The following VPS13D variants were observed in gnomAD, a reference collection of about 807,000 sequenced individuals.
VPS13D encodes the protein vacuolar protein sorting 13 homolog D.
VPS13D carries 187 observed loss-of-function variants against 461.9 expected under a neutral mutation model. The ratio of observed to expected loss-of-function variants is 0.40; its 90% CI spans 0.36 to 0.46. VPS13D has a LOEUF of 0.46. VPS13D is among the 20% of genes least tolerant of loss of function. VPS13D has a pLI of 0.60. For missense variants in VPS13D, 4,711 were observed against 5,364.9 expected (o/e 0.88, Z 3.81); for synonymous variants, 1,951 against 1,986.3 (o/e 0.98, Z 0.47).
At chr1:12,303,041 T>C (rs1472212956) in intron 25 of VPS13D, among the ~76,000 whole-genome samples, 1 of 152,226 alleles carries the variant, frequency 6.6e-6, no homozygotes, top group Admixed American at 6.5e-5. Flanking sequence ...CAGTTAAATA[T>C]AATTGATTAC....
intron 27 of VPS13D, among the ~76,000 whole-genome samples, chr1:12,309,233 A>G (rs564046821): frequency 3.1e-5 from 4 of 129,222 alleles, no homozygotes; most frequent in Admixed American, 2.5e-4. Context: ...TTTTTTTGAG[A>G]TGGAGTCTCA....
chr1:12,316,443 A>G (rs1202807986), intron 30 of VPS13D, among the ~76,000 whole-genome samples: 3 of 152,208 alleles, frequency 2.0e-5, no homozygotes, highest in African/African-American at 7.2e-5. Context: ...TATTTTCCAG[A>G]AAAGGGATCC....
chr1:12,414,026 G>A (rs1270855085), intron 63 of VPS13D, among the ~76,000 whole-genome samples: 1 of 152,212 alleles, frequency 6.6e-6, no homozygotes, highest in Non-Finnish European at 1.5e-5. Flanking sequence ...GTTCACAGCT[G>A]TAATCGCAGC....
chr1:12,271,952 G>A (rs1641454441), intron 17 of VPS13D, among the ~76,000 whole-genome samples: 1 of 152,098 alleles, frequency 6.6e-6, no homozygotes, highest in Non-Finnish European at 1.5e-5. Context: ...GGCACTGGGG[G>A]AAGCGGAGGT....
chr1:12,295,478 A>G (rs1212590427), intron 24 of VPS13D, among the ~76,000 whole-genome samples: 1 of 152,142 alleles, frequency 6.6e-6, no homozygotes, highest in Non-Finnish European at 1.5e-5. Flanking sequence ...TGTATCTTCC[A>G]GAGAATGTAT....
At chr1:12,468,159 A>G (rs906274440) in intron 67 of VPS13D, among the ~76,000 whole-genome samples, 1 of 152,240 alleles carries the variant, frequency 6.6e-6, no homozygotes, top group African/African-American at 2.4e-5. Flanking sequence ...GACACCTAAT[A>G]TTACATACAT....
At position 12,331,859 on chromosome 1, in the gene VPS13D, G is replaced by A. The variant is rs183954429; in HGVS notation, c.8288-1367G>A. On this transcript the variant is annotated intron_variant, in intron 37 of 69. Coordinates refer to ENST00000620676, the MANE Select transcript of VPS13D (RefSeq NM_015378.4). The stretch of plus-strand genomic sequence containing the variant: ...TTTAAAGTTGTATGAACACATTCAG[G>A]TCACTAAATGTCAAATGGTGTAAGG... Among the ~76,000 whole-genome samples, 236 of 152,220 alleles carry A rather than the reference G, an allele frequency of 1.6e-3. 1 individual carries two copies. Among genetic ancestry groups the A allele is most frequent in the South Asian group, 8.3e-3 (40 of 4,826 alleles).
At chr1:12,423,764 A>G (rs780533541) in intron 65 of VPS13D, among the ~76,000 whole-genome samples, 10 of 152,184 alleles carry the variant, frequency 6.6e-5, no homozygotes, top group Non-Finnish European at 1.5e-4. Flanking sequence ...GCCTTCTATC[A>G]TATATACTAT....
chr1:12,342,779 T>A, intron 41 of VPS13D, 120 bp from the exon 42 acceptor site: 1 of 1,202,928 alleles, frequency 8.3e-7, no homozygotes. Flanking sequence ...AGCTAGGTCA[T>A]GCAGCCTTTT....
chr1:12,297,069 T>G (rs1378422105), intron 24 of VPS13D, among the ~76,000 whole-genome samples: 1 of 152,220 alleles, frequency 6.6e-6, no homozygotes, highest in Admixed American at 6.5e-5. Context: ...TCTAGCTGTT[T>G]GAATTAGGTT....
At position 12,277,379 on chromosome 1, in the gene VPS13D, C is replaced by G; in HGVS notation, c.3791C>G (p.Ala1264Gly). ...FESVFVRMED[A>G]ALTEALSFTF... Reference sequence around the variant, plus strand: ...TCTGTGTTTGTCAGAATGGAAGATGCAGCCCTCACTGAAGCTTTGAGTTTC... The same window carrying G: ...TCTGTGTTTGTCAGAATGGAAGATGGAGCCCTCACTGAAGCTTTGAGTTTC... Residue 1264 changes from alanine to glycine, a missense_variant, in exon 19 of 70, where the codon GCA (alanine) becomes GGA (glycine). Physicochemically the swap from Ala to Gly is moderately conservative, Grantham distance 60. This residue lies in a region of VPS13D where 4,411 missense variants were observed against 4,937.8 expected (regional missense o/e 0.89). Transcript: ENST00000620676. 6.2e-7 allele frequency: 1 copy of G among 1,614,196 alleles called. No individual in the cohort carries two copies. The highest frequency in any genetic ancestry group is 8.5e-7 in the Non-Finnish European group (1 of 1,180,038).
rs1336738821 is a variant in VPS13D at position 12,354,226 on chromosome 1, G to T, written c.9679+5G>T. 6.2e-7 allele frequency: 1 copy of T among 1,613,324 alleles called. No homozygotes were observed. Among genetic ancestry groups the T allele is most frequent in the East Asian group, 2.2e-5 (1 of 44,874 alleles). On this transcript the variant is annotated splice_donor_5th_base_variant and intron_variant, in intron 47 of 69. Coordinates refer to ENST00000620676, the MANE Select transcript of VPS13D (RefSeq NM_015378.4). ...CATCCCAGAACATTGAGCTGGGTAA[G>T]AATGTAGTCAGATGATCATTTGTCA...
rs1007002088 is a variant in VPS13D at position 12,495,458 on chromosome 1, G to A, written c.12663-2042G>A. Reference sequence around the variant, plus strand: ...CAGGCGTGAGCCACTGCGCCCGGCCGATGTAACATCTTTTGAAAGGGCCAT... The same window carrying A: ...CAGGCGTGAGCCACTGCGCCCGGCCAATGTAACATCTTTTGAAAGGGCCAT... On this transcript the variant is annotated intron_variant, in intron 67 of 69. Transcript: ENST00000620676. The surrounding 1 kb of genome is among the most constrained non-coding windows in gnomAD (Gnocchi z 4.0). Among the ~76,000 whole-genome samples the A allele has an allele frequency of 1.5e-4, 23 of 152,088 alleles. No homozygotes were observed. Among genetic ancestry groups the A allele is most frequent in the African/African-American group, 5.3e-4 (22 of 41,418 alleles).
chr1:12,471,272 G>A (rs1177745356), intron 67 of VPS13D, among the ~76,000 whole-genome samples: 3 of 152,170 alleles, frequency 2.0e-5, no homozygotes, highest in African/African-American at 4.8e-5. Context: ...CTGCACTCCA[G>A]CCTGGGTGAC....
At chr1:12,372,331 G>A (rs7544971) in intron 54 of VPS13D, among the ~76,000 whole-genome samples, 38,533 of 151,992 alleles carry the variant, frequency 0.25, 7,052 homozygotes, top group African/African-American at 0.52. Flanking sequence ...CCAAAGTGCT[G>A]GGATTACAGG....
Position 12,406,270 on chromosome 1 carries a change from A to T in VPS13D, c.12030+2297A>T, listed in dbSNP as rs184798405. Among the ~76,000 whole-genome samples, 285 of 151,720 alleles carry T rather than the reference A, an allele frequency of 1.9e-3. 1 individual carries two copies. The highest frequency in any genetic ancestry group is 6.8e-3 in the Middle Eastern group (2 of 294). On this transcript the variant is annotated intron_variant, in intron 63 of 69. Transcript: ENST00000620676. Reference sequence around the variant, plus strand: ...TGGGACTCATAAAATAATGTCATTTATTCAAAGAGTTTTCTAACAGAGTAA... The same window carrying T: ...TGGGACTCATAAAATAATGTCATTTTTTCAAAGAGTTTTCTAACAGAGTAA...
rs766976868 is a variant in VPS13D, at chr1:12,505,463, A to G, written c.12795-1390A>G. Among the ~76,000 whole-genome samples, 1 of 152,228 alleles carries G rather than the reference A, an allele frequency of 6.6e-6. No homozygotes were observed. Among genetic ancestry groups the G allele is most frequent in the Non-Finnish European group, 1.5e-5 (1 of 68,038 alleles). ...TGGCATTGCCAACCAGTTAGAATAGAACAATAAATCCCAGTTTTTGTCATG... is the reference window on the plus strand; with the variant it reads ...TGGCATTGCCAACCAGTTAGAATAGGACAATAAATCCCAGTTTTTGTCATG... On this transcript the variant is annotated intron_variant, in intron 68 of 69. Transcript: ENST00000620676. This position sits in a 1 kb window ranked among gnomAD's most constrained non-coding sequence, Gnocchi z 4.2.
At chr1:12,469,647 A>G (rs1256437152) in intron 67 of VPS13D, among the ~76,000 whole-genome samples, 1 of 152,224 alleles carries the variant, frequency 6.6e-6, no homozygotes, top group Non-Finnish European at 1.5e-5. Flanking sequence ...GCTGTAATGC[A>G]ATGCTTCCCT....
chr1:12,335,919 C>T (rs764450876), intron 39 of VPS13D, 92 bp downstream of exon 39: 206 of 1,564,188 alleles, frequency 1.3e-4, no homozygotes, highest in Non-Finnish European at 1.7e-4. Context: ...CATCATTCTG[C>T]GTGGAAAAAC....
Sources: gnomAD v4.1 joint callset for allele counts (sites outside exome capture counted in the v4.1 genomes callset) on GRCh38, gnomAD v4.1.1 for gene constraint, gnomAD v4.1.1 regional missense constraint, Gnocchi (gnomAD v3.1) non-coding constraint, MANE v1.5 for transcripts, NCBI Gene and HGNC (gene_info 2026-07-23, HGNC 2026-07-21) for gene names.